TMEM117: variants seen among roughly 807,000 people sequenced by gnomAD.
TMEM117 encodes the protein transmembrane protein 117.
In TMEM117, 27 loss-of-function variants were observed where a neutral mutation model predicts 52.4. The observed-to-expected ratio is 0.51, with a 90% CI of 0.38 to 0.71. The LOEUF (loss-of-function observed/expected upper bound fraction) is 0.71, where lower values mean the gene tolerates loss of function less well. TMEM117 is among the 30% of genes least tolerant of loss of function. The pLI, the probability that TMEM117 is intolerant of heterozygous loss-of-function variation, is 0.00. For missense variants in TMEM117, 556 were observed against 630.5 expected (o/e 0.88, Z 1.26); for synonymous variants, 215 against 206.3 (o/e 1.04, Z -0.36).
At chr12:44,125,337 G>C (rs924220752) in intron 3 of TMEM117, among the ~76,000 whole-genome samples, 6 of 152,092 alleles carry the variant, frequency 3.9e-5, no homozygotes, top group African/African-American at 1.4e-4. Flanking sequence ...TCGATCTCCT[G>C]ACCTTGTGAT....
intron 4 of TMEM117, among the ~76,000 whole-genome samples, chr12:44,152,283 A>G (rs56371835): frequency 0.1 from 10,933 of 106,048 alleles, 612 homozygotes; most frequent in African/African-American, 0.17. Context: ...TATATTATAT[A>G]TAATTATATT....
At chr12:43,797,409 G>C in the TMEM117 span, 5 of 1,600,502 alleles carry the variant, frequency 3.1e-6, no homozygotes, top group Admixed American at 1.7e-5. Flanking sequence ...TTCTGTATTT[G>C]TTGTGTTGGC....
intron 3 of TMEM117, among the ~76,000 whole-genome samples, chr12:44,129,931 T>G (rs1321283055): frequency 2.6e-5 from 4 of 152,222 alleles, no homozygotes; most frequent in Admixed American, 6.5e-5. Flanking sequence ...TATTATTTTT[T>G]TACCTTGCCC....
At chr12:43,905,536 C>T (rs1339482575) in intron 2 of TMEM117, among the ~76,000 whole-genome samples, 1 of 152,080 alleles carries the variant, frequency 6.6e-6, no homozygotes, top group Admixed American at 6.5e-5. Context: ...TATTTATTTG[C>T]ATTTTCACAT....
chr12:43,828,429 C>T, the TMEM117 span, among the ~76,000 whole-genome samples: 625 of 152,236 alleles, frequency 4.1e-3, 6 homozygotes, highest in African/African-American at 0.014. Context: ...GCATTCCAGC[C>T]CCCCTACCTT....
intron 3 of TMEM117, among the ~76,000 whole-genome samples, chr12:43,980,813 T>C (rs1945748107): frequency 6.6e-6 from 1 of 152,124 alleles, no homozygotes; most frequent in Non-Finnish European, 1.5e-5. Flanking sequence ...TGAAGAGAGT[T>C]AGCAGCCCCC....
At chr12:44,062,678 T>G (rs1947158026) in intron 3 of TMEM117, among the ~76,000 whole-genome samples, 1 of 152,210 alleles carries the variant, frequency 6.6e-6, no homozygotes, top group African/African-American at 2.4e-5. Context: ...TGATCCTAAT[T>G]TTCCCTAGAC....
chr12:44,341,363 C>A (rs1263954017), intron 6 of TMEM117, among the ~76,000 whole-genome samples: 1 of 152,034 alleles, frequency 6.6e-6, no homozygotes, highest in African/African-American at 2.4e-5. Flanking sequence ...GGGTAAGGAT[C>A]TGTGGTATTT....
chr12:44,207,943 A>G (rs1949592004), intron 4 of TMEM117, among the ~76,000 whole-genome samples: 1 of 152,120 alleles, frequency 6.6e-6, no homozygotes, highest in African/African-American at 2.4e-5. Flanking sequence ...TCCATTGCTG[A>G]AAGGTGGAAA....
Position 44,389,053 on chromosome 12 carries a change from G to GATTC in TMEM117, c.*381_*382insATTC. ...AACAGTTACCTAACCTATTTCACAT[G>GATTC]GGCGTTTTGTATACAACTATTTTGA... On this transcript the variant is annotated 3_prime_UTR_variant, in exon 8 of 8. Transcript: ENST00000266534. 5 of 144,062 alleles carry GATTC rather than the reference G, an allele frequency of 3.5e-5. No homozygotes were observed. The highest frequency in any genetic ancestry group is 2.2e-4 in the South Asian group (1 of 4,464). The allele number at this position is 144,062 out of a possible 1,614,324, so 8.9% of individuals were successfully genotyped here. A position where few individuals can be genotyped will look rare whatever the true frequency, so the allele number is the denominator to read the frequency against.
intron 3 of TMEM117, among the ~76,000 whole-genome samples, chr12:44,091,901 T>C (rs770593315): frequency 6.6e-6 from 1 of 152,224 alleles, no homozygotes; most frequent in Non-Finnish European, 1.5e-5. Flanking sequence ...TGTAACCATA[T>C]ATTTGGATAT....
intron 5 of TMEM117, among the ~76,000 whole-genome samples, chr12:44,292,841 T>A (rs558556591): frequency 6.6e-6 from 1 of 152,160 alleles, no homozygotes; most frequent in African/African-American, 2.4e-5. Context: ...GTTTTGTGGC[T>A]TAATATATGA....
chr12:44,145,555 T>G (rs1336621599), intron 4 of TMEM117, among the ~76,000 whole-genome samples: 2 of 152,216 alleles, frequency 1.3e-5, no homozygotes, highest in Non-Finnish European at 2.9e-5. Context: ...AAGGTAGACA[T>G]AAGTGCTTCA....
chr12:44,049,738 C>A lies in TMEM117; in HGVS notation c.411-93787C>A, dbSNP rs551869436. 4.1e-4 allele frequency among the ~76,000 whole-genome samples: 62 copies of A among 151,946 alleles called. No homozygotes were observed. In the South Asian group the frequency reaches 0.012, roughly 30 times the overall value. On this transcript the variant is annotated intron_variant, in intron 3 of 7. Transcript: ENST00000266534. ...TTAATAGTCTATAAACTATTTTTAT[C>A]CAGAAGACAAATGGGTTCAATCATT...
intron 5 of TMEM117, among the ~76,000 whole-genome samples, chr12:44,294,106 C>T (rs1483160444): frequency 6.6e-6 from 1 of 152,132 alleles, no homozygotes; most frequent in Non-Finnish European, 1.5e-5. Context: ...GTTTCCTGAA[C>T]ACTTTGAATA....
the TMEM117 span, among the ~76,000 whole-genome samples, chr12:43,801,173 T>C: frequency 6.6e-6 from 1 of 152,186 alleles, no homozygotes; most frequent in Non-Finnish European, 1.5e-5. Flanking sequence ...ATAGTGACAT[T>C]CTTCTCAAAG....
the TMEM117 span, among the ~76,000 whole-genome samples, chr12:44,395,865 A>G: frequency 6.6e-6 from 1 of 152,222 alleles, no homozygotes; most frequent in African/African-American, 2.4e-5. Flanking sequence ...ACTGCAAGGA[A>G]TGCTAGGAAA....
At chr12:44,189,240 C>T (rs1949319873) in intron 4 of TMEM117, among the ~76,000 whole-genome samples, 1 of 152,156 alleles carries the variant, frequency 6.6e-6, no homozygotes, top group Non-Finnish European at 1.5e-5. Context: ...TCATTGCCAT[C>T]ATTCAGAATA....
intron 6 of TMEM117, among the ~76,000 whole-genome samples, chr12:44,311,759 A>ATATGTG (rs1565701113): frequency 2.6e-5 from 3 of 116,566 alleles, no homozygotes; most frequent in African/African-American, 1.4e-4. Flanking sequence ...GTATATATGT[A>ATATGTG]TATATATATG....
Sources: gnomAD v4.1 joint callset for allele counts (sites outside exome capture counted in the v4.1 genomes callset) on GRCh38, gnomAD v4.1.1 for gene constraint, MANE v1.5 for transcripts, NCBI Gene and HGNC (gene_info 2026-07-23, HGNC 2026-07-21) for gene names.